The following SH2D4A variants were observed in gnomAD, a reference collection of about 807,000 sequenced individuals.
SH2D4A encodes SH2 domain-containing protein 4A.
SH2D4A carries 70 observed loss-of-function variants against 64.7 expected under a neutral mutation model. The ratio of observed to expected loss-of-function variants is 1.08; its 90% CI spans 0.89 to 1.32. The LOEUF is 1.32. Among genes scored for constraint, SH2D4A ranks in the 40% most tolerant of loss-of-function variants. The pLI is 0.00. For missense variants in SH2D4A, 706 were observed against 540.1 expected, an observed-to-expected ratio of 1.31 and a Z score of -3.04; for synonymous variants, 268 against 200.7, an observed-to-expected ratio of 1.34 and a Z score of -2.83.
intron 1 of SH2D4A, among the ~76,000 whole-genome samples, chr8:19,316,462 G>T (rs551152288): frequency 6.6e-6 from 1 of 152,284 alleles, no homozygotes; most frequent in East Asian, 1.9e-4. Context: ...CTAAGTGCAA[G>T]GGGAAATGGG....
intron 7 of SH2D4A, among the ~76,000 whole-genome samples, chr8:19,372,392 C>A (rs551200311): frequency 1.3e-5 from 2 of 152,222 alleles, no homozygotes; most frequent in East Asian, 3.9e-4. Context: ...GTCAGGGACT[C>A]CAGTACAGAA....
intron 1 of SH2D4A, among the ~76,000 whole-genome samples, chr8:19,315,709 C>G (rs935223077): frequency 1.3e-5 from 2 of 152,118 alleles, no homozygotes; most frequent in African/African-American, 4.8e-5. Flanking sequence ...CTTGAATAAC[C>G]GGAGATTTGC....
chr8:19,360,369 CT>C (rs1336709471), intron 5 of SH2D4A, among the ~76,000 whole-genome samples: 1 of 149,850 alleles, frequency 6.7e-6, no homozygotes, highest in Non-Finnish European at 1.5e-5. Flanking sequence ...AATCACAGCA[CT>C]TTGGGAGGCT....
At chr8:19,362,990 A>T (rs1166780903) in intron 6 of SH2D4A, among the ~76,000 whole-genome samples, 1 of 152,112 alleles carries the variant, frequency 6.6e-6, no homozygotes, top group African/African-American at 2.4e-5. Flanking sequence ...AGCTCCATTC[A>T]TGGTAAGTGC....
intron 6 of SH2D4A, among the ~76,000 whole-genome samples, chr8:19,363,593 C>T (rs1455980638): frequency 6.6e-6 from 1 of 152,114 alleles, no homozygotes; most frequent in African/African-American, 2.4e-5. Context: ...TTCTGTCCTG[C>T]TCTCTGCTCC....
At chr8:19,371,071 T>A (rs952603041) in intron 7 of SH2D4A, among the ~76,000 whole-genome samples, 2 of 152,160 alleles carry the variant, frequency 1.3e-5, no homozygotes, top group African/African-American at 4.8e-5. Flanking sequence ...ACCTATCTTG[T>A]TATTAAAGTT....
intron 4 of SH2D4A, among the ~76,000 whole-genome samples, chr8:19,348,427 G>A (rs1228054326): frequency 6.6e-6 from 1 of 152,146 alleles, no homozygotes; most frequent in Non-Finnish European, 1.5e-5. Flanking sequence ...GTTTCCATGA[G>A]TAGAGAGCAT....
intron 4 of SH2D4A, among the ~76,000 whole-genome samples, chr8:19,351,203 G>T (rs144758433): frequency 8.5e-5 from 13 of 152,300 alleles, no homozygotes; most frequent in Admixed American, 5.2e-4. Context: ...TAAAATTGCT[G>T]AGAAGAGGAT....
chr8:19,328,220 T>C (rs1230972490), intron 2 of SH2D4A, among the ~76,000 whole-genome samples: 1 of 152,200 alleles, frequency 6.6e-6, no homozygotes, highest in African/African-American at 2.4e-5. Context: ...ACGCCACCTA[T>C]AGAGTCATTC....
intron 4 of SH2D4A, among the ~76,000 whole-genome samples, chr8:19,349,782 C>T (rs7838549): frequency 6.6e-6 from 1 of 152,212 alleles, no homozygotes; most frequent in Non-Finnish European, 1.5e-5. Flanking sequence ...GATACAGTCT[C>T]GCTCTCTACC....
chr8:19,367,714 T>G (rs2053023060), intron 7 of SH2D4A, among the ~76,000 whole-genome samples: 1 of 152,192 alleles, frequency 6.6e-6, no homozygotes, highest in Non-Finnish European at 1.5e-5. Flanking sequence ...AGCAGAATCC[T>G]TTTTAGCTTG....
chr8:19,316,562 G>T (rs1365499315), intron 1 of SH2D4A, among the ~76,000 whole-genome samples: 9 of 152,334 alleles, frequency 5.9e-5, no homozygotes, highest in Admixed American at 5.9e-4. Context: ...TGGCTGGGGT[G>T]TGTGCACCTG....
intron 1 of SH2D4A, among the ~76,000 whole-genome samples, 179 bp from the exon 2 acceptor site, chr8:19,319,165 T>C (rs1424056433): frequency 6.6e-6 from 1 of 152,136 alleles, no homozygotes; most frequent in African/African-American, 2.4e-5. Context: ...CTTTAGAAAT[T>C]ACAGGATAGA....
In SH2D4A at chr8:19,357,282, A is replaced by T. The variant is rs1421845132; in HGVS notation, c.593A>T (p.Gln198Leu). The change falls in exon 5 of 10, where the codon CAG becomes CTG. Residue 198 changes from glutamine (Q) to leucine (L), a missense_variant and splice_region_variant. By Grantham distance (113) the Gln-to-Leu change is moderately radical. Coordinates refer to ENST00000265807, the MANE Select transcript of SH2D4A (RefSeq NM_022071.4). ...INRMKAYAFH[Q>L]KKESMKKKQD... is the part of the protein sequence containing the mutation. ...CGTATGAAGGCATATGCATTTCACC[A>T]GGTAAAAGACTTCCCTTCTGTCCTC... is the stretch of plus-strand genomic sequence containing the variant. 4 of 1,611,044 alleles carry T rather than the reference A, an allele frequency of 2.5e-6. No homozygotes were observed. Among genetic ancestry groups the T allele is most frequent in the Admixed American group, 1.7e-5 (1 of 60,014 alleles).
chr8:19,368,342 G>A (rs2053036982), intron 7 of SH2D4A, among the ~76,000 whole-genome samples: 2 of 152,094 alleles, frequency 1.3e-5, no homozygotes, highest in Non-Finnish European at 2.9e-5. Context: ...GCAATTCGTA[G>A]TAGTCTTTTC....
intron 7 of SH2D4A, among the ~76,000 whole-genome samples, chr8:19,370,530 T>G (rs1156424286): frequency 6.6e-6 from 1 of 152,060 alleles, no homozygotes; most frequent in Non-Finnish European, 1.5e-5. Context: ...CAGGTCTGCT[T>G]TATATGATAT....
intron 5 of SH2D4A, among the ~76,000 whole-genome samples, chr8:19,357,731 C>G (rs1445710656): frequency 6.6e-6 from 1 of 152,174 alleles, no homozygotes; most frequent in Non-Finnish European, 1.5e-5. Context: ...GGCACTCAGC[C>G]CTCTCTCACG....
At position 19,319,707 on chromosome 8, in the gene SH2D4A, G is replaced by C; in HGVS notation, c.160G>C (p.Val54Leu). The change falls in exon 2 of 10, where the codon GTG (valine) becomes CTG (leucine). Residue 54 changes from valine (V) to leucine (L), a missense_variant. Coordinates refer to ENST00000265807, the MANE Select transcript of SH2D4A (RefSeq NM_022071.4). ...TATGGAAAGAAAGGAGTCCCTGCCA[G>C]TGAAACCCAGACCAAAGAAAGGTAA... ...AAMERKESLP[V>L]KPRPKKENGK... 6.3e-7 allele frequency: 1 copy of C among 1,594,096 alleles called. No homozygotes were observed. The highest frequency in any genetic ancestry group is 2.3e-5 in the East Asian group (1 of 44,012).
chr8:19,394,732 C>A lies in SH2D4A; in HGVS notation c.*90C>A. On this transcript the variant is annotated 3_prime_UTR_variant, in exon 10 of 10. Transcript: ENST00000265807. ...ACATTTATGTGTGAAGCCAAAATCA[C>A]CCTGCAGCAGAGCCAATACTGATCA... The A allele has an allele frequency of 2.1e-6, 2 of 945,762 alleles. No homozygotes were observed. Among genetic ancestry groups the A allele is most frequent in the Admixed American group, 2.5e-5 (1 of 39,466 alleles). 58.6% of individuals were successfully genotyped at this position (945,762 alleles called of 1,614,324 possible). A position where few individuals can be genotyped will look rare whatever the true frequency, so the allele number is the denominator to read the frequency against.
Sources: gnomAD v4.1 joint callset for allele counts (sites outside exome capture counted in the v4.1 genomes callset) on GRCh38, gnomAD v4.1.1 for gene constraint, MANE v1.5 for transcripts, NCBI Gene and HGNC (gene_info 2026-07-23, HGNC 2026-07-21) for gene names.